WSCD1: variants seen among roughly 807,000 people sequenced by gnomAD.
WSCD1 encodes sialate:O-sulfotransferase 1.
WSCD1 carries 41 observed loss-of-function variants against 60.4 expected under a neutral mutation model. The ratio of observed to expected loss-of-function variants is 0.68; its 90% confidence interval spans 0.53 to 0.88. The LOEUF (loss-of-function observed/expected upper bound fraction) is 0.88, where lower values mean the gene tolerates loss of function less well. Ranked by LOEUF, WSCD1 falls within the 40% of genes least tolerant of loss-of-function variation. The probability of loss-of-function intolerance (pLI) is 0.00; values close to 1 mark genes in which losing one functional copy is unlikely to be tolerated. For synonymous variants in WSCD1, 361 were observed against 332.5 expected (o/e 1.09, Z -0.93); for missense variants, 784 against 796.2 (o/e 0.98, Z 0.18).
rs1219450131 is a variant in WSCD1, at chr17:6,110,475, C to G, written c.1010-296C>G. Among the ~76,000 whole-genome samples, 3 of 152,150 alleles carry G rather than the reference C, an allele frequency of 2.0e-5. No homozygotes were observed. Among genetic ancestry groups the G allele is most frequent in the African/African-American group, 7.2e-5 (3 of 41,424 alleles). ...GGAATTATCTGTGCTATGTCAGGAG[C>G]AAGAGTTTGGCTGTGGCCATAGAGA... On this transcript the variant is annotated intron_variant, in intron 6 of 8. Transcript: ENST00000317744. This position sits in a 1 kb window ranked among gnomAD's most constrained non-coding sequence, Gnocchi z 4.8.
chr17:6,079,487 C>T (rs771489864), intron 1 of WSCD1, among the ~76,000 whole-genome samples: 3 of 152,148 alleles, frequency 2.0e-5, no homozygotes, highest in Non-Finnish European at 2.9e-5. Flanking sequence ...GTGGAGAGAC[C>T]CATGGAAGGC....
chr17:6,085,371 C>T (rs535091623), intron 2 of WSCD1, among the ~76,000 whole-genome samples: 6 of 152,166 alleles, frequency 3.9e-5, no homozygotes, highest in Non-Finnish European at 8.8e-5. Flanking sequence ...TAAAAACAAT[C>T]GCTGCTGAGT....
intron 4 of WSCD1, among the ~76,000 whole-genome samples, chr17:6,093,321 C>T (rs1910178623): frequency 6.6e-6 from 1 of 152,246 alleles, no homozygotes; most frequent in African/African-American, 2.4e-5. Context: ...TTCGTTCGCT[C>T]ACCACGTAGT....
intron 7 of WSCD1, among the ~76,000 whole-genome samples, chr17:6,114,153 T>TAAA (rs370433776): frequency 3.9e-4 from 49 of 125,132 alleles, no homozygotes; most frequent in Non-Finnish European, 4.7e-4. Flanking sequence ...TAGTTAGCCG[T>TAAA]AAAAAAAAAA....
At chr17:6,115,051 TAA>T (rs1911618469) in intron 7 of WSCD1, among the ~76,000 whole-genome samples, 2 of 152,106 alleles carry the variant, frequency 1.3e-5, no homozygotes, top group African/African-American at 2.4e-5. Flanking sequence ...TATTTTTAAG[TAA>T]AAAAGAGAAT....
rs921019003 is a variant in WSCD1 at position 6,123,870 on chromosome 17, T to C, written c.*3209T>C. ...CCAGGTTGTAGTCCCAGCTCTTATC[T>C]GCCATCTTGGACAAAGCTTTTCCCA... On this transcript the variant is annotated 3_prime_UTR_variant, in exon 9 of 9. Transcript: ENST00000317744. 1 of 152,244 alleles carries C rather than the reference T, an allele frequency of 6.6e-6. No homozygotes were observed. Among genetic ancestry groups the C allele is most frequent in the Admixed American group, 6.5e-5 (1 of 15,284 alleles). 9.4% of individuals were successfully genotyped at this position (152,244 alleles called of 1,614,324 possible). A position where few individuals can be genotyped will look rare whatever the true frequency, so the allele number is the denominator to read the frequency against.
intron 4 of WSCD1, among the ~76,000 whole-genome samples, chr17:6,093,559 C>G (rs1362910609): frequency 2.6e-5 from 4 of 152,172 alleles, no homozygotes; most frequent in Admixed American, 2.6e-4. Context: ...TGGTTGAGGA[C>G]CAGTGCCCAG....
chr17:6,085,594 G>T (rs1358223432), intron 2 of WSCD1, among the ~76,000 whole-genome samples: 1 of 152,158 alleles, frequency 6.6e-6, no homozygotes, highest in African/African-American at 2.4e-5. Context: ...TCAGAAGCAT[G>T]TACAGCCTGG....
At position 6,110,080 on chromosome 17, in the gene WSCD1, G is replaced by A. The variant is rs934522196; in HGVS notation, c.1009+314G>A. On this transcript the variant is annotated intron_variant, in intron 6 of 8. Transcript: ENST00000317744. This position sits in a 1 kb window ranked among gnomAD's most constrained non-coding sequence, Gnocchi z 4.8. Reference sequence around the variant, plus strand: ...AGAGATAGCAACAGAAAGGTGGTAGGATTGGGAGGCGTGGGAAGAATGAGA... The same window carrying A: ...AGAGATAGCAACAGAAAGGTGGTAGAATTGGGAGGCGTGGGAAGAATGAGA... Among the ~76,000 whole-genome samples, 1 of 152,158 alleles carries A rather than the reference G, an allele frequency of 6.6e-6. No homozygotes were observed. Among genetic ancestry groups the A allele is most frequent in the Non-Finnish European group, 1.5e-5 (1 of 68,026 alleles).
At chr17:6,097,048 A>T (rs138932479) in intron 5 of WSCD1, among the ~76,000 whole-genome samples, 2,577 of 152,372 alleles carry the variant, frequency 0.017, 69 homozygotes, top group African/African-American at 0.054. Flanking sequence ...CCTCAAACAC[A>T]GGCACAGAGT....
Position 6,090,478 on chromosome 17 carries a change from G to A in WSCD1, c.700G>A (p.Asp234Asn). 1.2e-6 allele frequency: 2 copies of A among 1,612,976 alleles called. No homozygotes were observed. The highest frequency in any genetic ancestry group is 8.5e-7 in the Non-Finnish European group (1 of 1,179,544). Residue 234 changes from aspartate (D) to asparagine (N), a missense_variant, in exon 4 of 9, where the codon GAC (aspartate) becomes AAC (asparagine). By Grantham distance (23) the Asp-to-Asn change is conservative. Transcript: ENST00000317744. ...GGACCGGCTCTCCGTGTACCGTGTG[G>A]ACGAGCTGCAGCCGGGCTCCAGGAA... ...AVDRLSVYRV[D>N]ELQPGSRKRR...
chr17:6,111,545 AC>A (rs1486612377), intron 7 of WSCD1, among the ~76,000 whole-genome samples: 1 of 152,118 alleles, frequency 6.6e-6, no homozygotes, highest in East Asian at 1.9e-4. Context: ...TACTAAAAAT[AC>A]AAAAATTAGC....
chr17:6,078,945 G>A (rs998617063), intron 1 of WSCD1, among the ~76,000 whole-genome samples: 2 of 152,136 alleles, frequency 1.3e-5, no homozygotes, highest in Admixed American at 6.5e-5. Context: ...GAAAATAGAA[G>A]CTCTGGAGAA....
chr17:6,082,374 C>T (rs968980205), intron 2 of WSCD1, among the ~76,000 whole-genome samples: 3 of 152,272 alleles, frequency 2.0e-5, no homozygotes, highest in Non-Finnish European at 2.9e-5. Flanking sequence ...AGACTTCATC[C>T]GGCTGGAGGC....
chr17:6,089,974 A>T (rs565684439), intron 3 of WSCD1, among the ~76,000 whole-genome samples: 60 of 152,134 alleles, frequency 3.9e-4, no homozygotes, highest in Non-Finnish European at 6.6e-4. Flanking sequence ...CTAGACCCAA[A>T]CTCAGCTTCA....
At chr17:6,117,894 C>T (rs1025730690) in intron 7 of WSCD1, 94 bp from the exon 8 acceptor site, 196 of 1,328,056 alleles carry the variant, frequency 1.5e-4, no homozygotes, top group Non-Finnish European at 1.9e-4. Flanking sequence ...TCTCTTATGC[C>T]CCTGATGCCA....
intron 5 of WSCD1, among the ~76,000 whole-genome samples, chr17:6,107,106 G>T (rs1911127988): frequency 6.6e-6 from 1 of 152,210 alleles, no homozygotes; most frequent in Non-Finnish European, 1.5e-5. Flanking sequence ...GCAGATGGAA[G>T]CCTTCTTACT....
At chr17:6,083,697 T>TGGAGGCAGGA (rs1909430595) in intron 2 of WSCD1, among the ~76,000 whole-genome samples, 2 of 152,114 alleles carry the variant, frequency 1.3e-5, no homozygotes, top group Non-Finnish European at 2.9e-5. Context: ...GAGAATCGCT[T>TGGAGGCAGGA]GAACCCAGGA....
intron 2 of WSCD1, among the ~76,000 whole-genome samples, chr17:6,085,869 G>A (rs2150537044): frequency 6.6e-6 from 1 of 152,364 alleles, no homozygotes; most frequent in East Asian, 1.9e-4. Flanking sequence ...GCTCTGTGCA[G>A]TGGTCCGTGC....
Sources: gnomAD v4.1 joint callset for allele counts (sites outside exome capture counted in the v4.1 genomes callset) on GRCh38, gnomAD v4.1.1 for gene constraint, Gnocchi (gnomAD v3.1) non-coding constraint, MANE v1.5 for transcripts, NCBI Gene and HGNC (gene_info 2026-07-23, HGNC 2026-07-21) for gene names.